Variants in PGAP1 observed in about 807,000 individuals in gnomAD.
PGAP1 encodes the protein post-GPI attachment to proteins inositol deacylase 1.
PGAP1 carries 76 observed loss-of-function variants against 127.0 expected under a neutral mutation model. That is an observed-to-expected ratio of 0.60 (90% CI 0.50 to 0.72). The LOEUF (loss-of-function observed/expected upper bound fraction) is 0.72. Among genes scored for constraint, PGAP1 ranks in the 30% least tolerant of loss-of-function variants. PGAP1 has a pLI of 0.00. For missense variants in PGAP1, 982 were observed against 1,071.3 expected (o/e 0.92, Z 1.16); for synonymous variants, 362 against 366.5 (o/e 0.99, Z 0.14).
chr2:196,883,796 G>T (rs1056255346), intron 12 of PGAP1, among the ~76,000 whole-genome samples: 3 of 152,104 alleles, frequency 2.0e-5, no homozygotes, highest in African/African-American at 7.2e-5. Context: ...AAATAATTTT[G>T]TGTGCTGTTT....
chr2:196,857,103 A>C (rs2125786702), intron 20 of PGAP1, among the ~76,000 whole-genome samples: 1 of 152,316 alleles, frequency 6.6e-6, no homozygotes, highest in African/African-American at 2.4e-5. Context: ...AGGAAGTCAA[A>C]CTATCTCTGT....
chr2:196,877,800 T>C (rs373254967), intron 13 of PGAP1, among the ~76,000 whole-genome samples: 63 of 152,278 alleles, frequency 4.1e-4, no homozygotes, highest in African/African-American at 1.4e-3. Context: ...AAACATTTTC[T>C]TGAGCATTTA....
At chr2:196,847,226 C>A in intron 21 of PGAP1, 26 bp from the exon 22 acceptor site, 2 of 1,538,706 alleles carry the variant, frequency 1.3e-6, no homozygotes, top group Admixed American at 1.9e-5. Context: ...AATATAAAAG[C>A]AAAAAACCCA....
intron 12 of PGAP1, 121 bp from the exon 13 acceptor site, chr2:196,880,274 T>C (rs1383936297): frequency 5.1e-6 from 3 of 591,790 alleles, no homozygotes; most frequent in Non-Finnish European, 8.5e-6. Context: ...TTCCAATTTA[T>C]GTTCAGTACT....
In PGAP1 at chr2:196,873,008, T is replaced by C; in HGVS notation, c.1571A>G (p.Tyr524Cys). ...ATAAGACCAAGGAATATGAAGTCTA[T>C]AGATACTGGTTATTTCTTCTGTTAA... ...SAVKEEITSI[Y>C]RLHIPWSYED... The change falls in exon 17 of 27, where the codon TAT (tyrosine) becomes TGT (cysteine). Residue 524 changes from tyrosine to cysteine, a missense_variant. Transcript: ENST00000354764. 1 of 967,614 alleles carries C rather than the reference T, an allele frequency of 1.0e-6. No homozygotes were observed. Among genetic ancestry groups the C allele is most frequent in the Non-Finnish European group, 1.6e-6 (1 of 636,124 alleles). The allele number at this position is 967,614 out of a possible 1,614,324, so 59.9% of individuals were successfully genotyped here.
chr2:196,905,113 T>G (rs1163115164), intron 4 of PGAP1, among the ~76,000 whole-genome samples: 1 of 152,202 alleles, frequency 6.6e-6, no homozygotes, highest in Non-Finnish European at 1.5e-5. Flanking sequence ...CTGAGCCTTA[T>G]AGAGACAGAA....
rs903552845 is a variant in PGAP1 at position 196,836,744 on chromosome 2, A to G, written c.*4490T>C. ...CTCCTAATCAACTTACTATGCTGTAAAAGTCCCTTCTACATTTACCTTACT... is the reference window on the plus strand; with the variant it reads ...CTCCTAATCAACTTACTATGCTGTAGAAGTCCCTTCTACATTTACCTTACT... On this transcript the variant is annotated 3_prime_UTR_variant, in exon 27 of 27. Coordinates refer to ENST00000354764, the MANE Select transcript of PGAP1 (RefSeq NM_024989.4). 1 of 152,196 alleles carries G rather than the reference A, an allele frequency of 6.6e-6. No homozygotes were observed. Among genetic ancestry groups the G allele is most frequent in the African/African-American group, 2.4e-5 (1 of 41,458 alleles). 9.4% of individuals were successfully genotyped at this position (152,196 alleles called of 1,614,324 possible). A position where few individuals can be genotyped will look rare whatever the true frequency, so the allele number is the denominator to read the frequency against.
intron 3 of PGAP1, among the ~76,000 whole-genome samples, chr2:196,915,535 C>T (rs959701519): frequency 1.3e-5 from 2 of 152,172 alleles, no homozygotes; most frequent in African/African-American, 4.8e-5. Context: ...TTCAATCTTT[C>T]CAGTTGTTTA....
At chr2:196,900,561 T>A (rs1299115777) in intron 5 of PGAP1, among the ~76,000 whole-genome samples, 2 of 152,238 alleles carry the variant, frequency 1.3e-5, no homozygotes, top group Non-Finnish European at 2.9e-5. Context: ...TGGCAAGCTT[T>A]GATAAAGTTC....
rs1702161412 is a variant in PGAP1 at position 196,893,204 on chromosome 2, G to A, written c.969C>T (p.His323=). ...NSKKKLSVLY[H]HFIRHPSKHF... ...GTTTTGATGGGTGTCTTATAAAGTG[G>A]TGATACAAAACTGACAGTTTCTTCT... The change falls in exon 8 of 27, where the codon CAC becomes CAT. Residue 323 remains histidine (H), a synonymous_variant. Coordinates refer to ENST00000354764, the MANE Select transcript of PGAP1 (RefSeq NM_024989.4). 9 of 1,599,386 alleles carry A rather than the reference G, an allele frequency of 5.6e-6. No homozygotes were observed. The highest frequency in any genetic ancestry group is 7.7e-6 in the Non-Finnish European group (9 of 1,170,560).
chr2:196,894,942 C>T (rs933436960), intron 7 of PGAP1, among the ~76,000 whole-genome samples: 1 of 152,160 alleles, frequency 6.6e-6, no homozygotes, highest in African/African-American at 2.4e-5. Flanking sequence ...TACTCTGATT[C>T]CTGCCTTATC....
rs1700265485 is a variant in PGAP1, at chr2:196,837,340, G to A, written c.*3894C>T. The A allele has an allele frequency of 6.6e-6, 1 of 152,184 alleles. No homozygotes were observed. Among genetic ancestry groups the A allele is most frequent in the African/African-American group, 2.4e-5 (1 of 41,442 alleles). The allele number at this position is 152,184 out of a possible 1,614,324, so 9.4% of individuals were successfully genotyped here. On this transcript the variant is annotated 3_prime_UTR_variant, in exon 27 of 27. Coordinates refer to ENST00000354764, the MANE Select transcript of PGAP1 (RefSeq NM_024989.4). ...TGAGAAGTCTGAAGAATTAAGAAAA[G>A]TATAGGAACTAGGCCAGGTGGTCAT...
At chr2:196,845,759 G>C (rs559786313) in intron 23 of PGAP1, 123 bp downstream of exon 23, 1 of 660,012 alleles carries the variant, frequency 1.5e-6, no homozygotes, top group African/African-American at 1.9e-5. Flanking sequence ...ATTCAAACCC[G>C]TTATGTAACA....
intron 20 of PGAP1, among the ~76,000 whole-genome samples, chr2:196,855,199 A>G (rs754977094): frequency 1.1e-4 from 16 of 151,584 alleles, no homozygotes; most frequent in Non-Finnish European, 1.5e-4. Flanking sequence ...AGTGGTGGGC[A>G]CCTGTAGTCC....
rs1700505034 is a variant in PGAP1 at position 196,844,532 on chromosome 2, G to A, written c.2329C>T (p.Gln777Ter). The A allele has an allele frequency of 1.3e-6, 2 of 1,594,978 alleles. No homozygotes were observed. Among genetic ancestry groups the A allele is most frequent in the East Asian group, 2.3e-5 (1 of 44,284 alleles). Residue 777 changes from glutamine to a stop codon, truncating the protein, a stop_gained, in exon 24 of 27, where the codon CAG (glutamine) becomes TAG (stop). Transcript: ENST00000354764. LOFTEE classifies it high-confidence loss of function. The stretch of plus-strand genomic sequence containing the variant: ...TTGAAAATAAAACTTACCACAGGCT[G>A]GCTATTCTTAAAAGTTGTTAAGCTG... ...QASLTTFKNS[Q>*]PVNPKHSRRS...
At chr2:196,847,748 T>C (rs190956518) in intron 21 of PGAP1, 199 bp downstream of exon 21, 64 of 406,680 alleles carry the variant, frequency 1.6e-4, no homozygotes, top group African/African-American at 1.1e-3. Context: ...ATAAAGTGAA[T>C]AATTACTTTT....
At chr2:196,886,157 CTT>C (rs768495810) in intron 10 of PGAP1, among the ~76,000 whole-genome samples, 6 of 122,168 alleles carry the variant, frequency 4.9e-5, no homozygotes, top group African/African-American at 3.1e-5. Flanking sequence ...CTGGTTATCT[CTT>C]TTTTTTTTTT....
At chr2:196,872,387 T>C in intron 18 of PGAP1, 54 bp downstream of exon 18, 1 of 1,275,142 alleles carries the variant, frequency 7.8e-7, no homozygotes, top group Non-Finnish European at 1.1e-6. Context: ...AAAAAGAACA[T>C]TTCTAGCTTA....
At chr2:196,903,560 C>CAAAAAAA (rs11312715) in intron 4 of PGAP1, among the ~76,000 whole-genome samples, 1 of 79,320 alleles carries the variant, frequency 1.3e-5, no homozygotes, top group African/African-American at 4.5e-5. Context: ...GACTCTGTCT[C>CAAAAAAA]AAAAAAAAAA....
Sources: gnomAD v4.1 joint callset for allele counts (sites outside exome capture counted in the v4.1 genomes callset) on GRCh38, gnomAD v4.1.1 for gene constraint, MANE v1.5 for transcripts, NCBI Gene and HGNC (gene_info 2026-07-23, HGNC 2026-07-21) for gene names.